The following DLC1 variants were observed in gnomAD, a reference collection of about 807,000 sequenced individuals.
The protein encoded by DLC1 is DLC1 Rho GTPase activating protein, also known as rho GTPase-activating protein 7.
Under a neutral mutation model 140.3 loss-of-function variants are expected in DLC1, and 54 were observed. The ratio of observed to expected loss-of-function variants is 0.38; its 90% CI spans 0.31 to 0.48. The LOEUF (loss-of-function observed/expected upper bound fraction) is 0.48. Ranked by LOEUF, DLC1 falls within the 20% of genes least tolerant of loss-of-function variation. The pLI is 0.96. For synonymous variants in DLC1, 986 were observed against 728.1 expected, an observed-to-expected ratio of 1.35 and a Z score of -5.70; for missense variants, 2,536 against 1,907.0, an observed-to-expected ratio of 1.33 and a Z score of -6.14.
chr8:13,469,101 G>A (rs1800089133), intron 2 of DLC1, among the ~76,000 whole-genome samples: 1 of 152,142 alleles, frequency 6.6e-6, no homozygotes, highest in Admixed American at 6.5e-5. Flanking sequence ...TTACAGGCGT[G>A]AGCCACCGCG....
chr8:13,383,093 A>G (rs1251593089), intron 4 of DLC1, among the ~76,000 whole-genome samples: 2 of 152,208 alleles, frequency 1.3e-5, no homozygotes, highest in Admixed American at 1.3e-4. Flanking sequence ...AAGATGAGAA[A>G]TCATCTCACT....
intron 5 of DLC1, among the ~76,000 whole-genome samples, chr8:13,282,088 G>A (rs1453916691): frequency 2.0e-5 from 3 of 152,110 alleles, no homozygotes; most frequent in African/African-American, 7.2e-5. Flanking sequence ...TGTTAGAGTG[G>A]ACAGAAAAGT....
At chr8:13,589,973 C>T (rs988080292) in intron 1 of DLC1, among the ~76,000 whole-genome samples, 1 of 151,262 alleles carries the variant, frequency 6.6e-6, no homozygotes. Context: ...CTTAGTATGT[C>T]TTTGTTATTT....
intron 7 of DLC1, among the ~76,000 whole-genome samples, chr8:13,109,758 G>A (rs920710462): frequency 2.6e-5 from 4 of 151,562 alleles, no homozygotes; most frequent in Admixed American, 6.6e-5. Flanking sequence ...GATGGTGGGC[G>A]CCTGTAATCC....
At chr8:13,559,360 G>T (rs923882451) in intron 1 of DLC1, 2 of 152,180 alleles carry the variant, frequency 1.3e-5, no homozygotes, top group African/African-American at 4.8e-5. Flanking sequence ...ATTCTTCAGT[G>T]ACATAGTTTG....
chr8:13,555,327 TG>T (rs1585269954), intron 1 of DLC1, among the ~76,000 whole-genome samples: 1 of 152,074 alleles, frequency 6.6e-6, no homozygotes, highest in Non-Finnish European at 1.5e-5. Flanking sequence ...CTTTCTTGTA[TG>T]TTTTTTTTTT....
chr8:13,423,419 G>A (rs1838407532), intron 2 of DLC1, among the ~76,000 whole-genome samples: 1 of 152,128 alleles, frequency 6.6e-6, no homozygotes, highest in Admixed American at 6.6e-5. Context: ...TGGAGAAGTA[G>A]ACTTGTTTTA....
At position 13,456,708 on chromosome 8, in the gene DLC1, C is replaced by T. The variant is rs35425414; in HGVS notation, c.1023+42341G>A. Among the ~76,000 whole-genome samples, 621 of 152,328 alleles carry T rather than the reference C, an allele frequency of 4.1e-3. 2 individuals carry two copies. Among genetic ancestry groups the T allele is most frequent in the Non-Finnish European group, 7.3e-3 (500 of 68,036 alleles). ...TCCTGACTTCAAATGATCCACCTGC[C>T]TCAGCTTCCCAAAGTGCTGGGATTA... On this transcript the variant is annotated intron_variant, in intron 2 of 17. Coordinates refer to ENST00000276297, the MANE Select transcript of DLC1 (RefSeq NM_182643.3).
At position 13,348,408 on chromosome 8, in the gene DLC1, G is replaced by A. The variant is rs886395235; in HGVS notation, c.1315-43106C>T. On this transcript the variant is annotated intron_variant, in intron 4 of 17. Coordinates refer to ENST00000276297, the MANE Select transcript of DLC1 (RefSeq NM_182643.3). ...TAAATATTATTCTTTAGAGGATAGGGTCCTACTGAAATTTAAACATGTGAC... is the reference window on the plus strand; with the variant it reads ...TAAATATTATTCTTTAGAGGATAGGATCCTACTGAAATTTAAACATGTGAC... 2.6e-5 allele frequency among the ~76,000 whole-genome samples: 4 copies of A among 152,292 alleles called. No individual in the cohort carries two copies. In the South Asian group the frequency reaches 8.3e-4, roughly 32 times the overall value.
At chr8:13,477,148 C>G (rs888005631) in intron 2 of DLC1, among the ~76,000 whole-genome samples, 3 of 152,166 alleles carry the variant, frequency 2.0e-5, no homozygotes, top group African/African-American at 7.2e-5. Context: ...CACATGCTCT[C>G]TGCCTTCAAA....
At chr8:13,372,338 T>A (rs938763381) in intron 4 of DLC1, among the ~76,000 whole-genome samples, 18 of 152,266 alleles carry the variant, frequency 1.2e-4, no homozygotes, top group African/African-American at 3.8e-4. Flanking sequence ...ATAGAGAGAA[T>A]TGCAATCAAT....
chr8:13,475,054 C>T (rs561895085), intron 2 of DLC1, among the ~76,000 whole-genome samples: 11 of 152,048 alleles, frequency 7.2e-5, no homozygotes, highest in Admixed American at 6.5e-4. Flanking sequence ...CTCAAGTGAT[C>T]CATCCACTTC....
intron 1 of DLC1, among the ~76,000 whole-genome samples, chr8:13,551,817 G>T (rs974912775): frequency 5.5e-5 from 8 of 145,548 alleles, no homozygotes; most frequent in African/African-American, 2.0e-4. Flanking sequence ...ATCTAGACAG[G>T]TATATATGTG....
intron 1 of DLC1, among the ~76,000 whole-genome samples, chr8:13,596,723 C>T (rs142843526): frequency 3.6e-4 from 55 of 152,034 alleles, no homozygotes; most frequent in African/African-American, 3.1e-4. Context: ...CCATCTAAAA[C>T]CCTGGCATAT....
intron 4 of DLC1, among the ~76,000 whole-genome samples, chr8:13,392,091 G>A (rs1018097524): frequency 2.6e-5 from 4 of 152,068 alleles, no homozygotes; most frequent in Admixed American, 1.3e-4. Context: ...TTCCATTTCA[G>A]TGTACCTGTT....
chr8:13,189,850 C>G (rs1585875101), intron 5 of DLC1, among the ~76,000 whole-genome samples: 1 of 151,300 alleles, frequency 6.6e-6, no homozygotes, highest in Admixed American at 6.6e-5. Flanking sequence ...CCATTGCACT[C>G]CAGCTTGGGC....
chr8:13,583,214 C>G (rs915648549), intron 1 of DLC1, among the ~76,000 whole-genome samples: 9 of 151,990 alleles, frequency 5.9e-5, no homozygotes, highest in Admixed American at 6.6e-5. Context: ...AGCATTTTAC[C>G]CAAAGGGGAA....
chr8:13,398,206 G>A (rs533381700), intron 3 of DLC1, among the ~76,000 whole-genome samples: 1 of 152,128 alleles, frequency 6.6e-6, no homozygotes, highest in Admixed American at 6.5e-5. Context: ...ACAAAGAGGA[G>A]ATTAAAGTTT....
chr8:13,317,014 A>G (rs752063728), intron 4 of DLC1, among the ~76,000 whole-genome samples: 59 of 152,128 alleles, frequency 3.9e-4, no homozygotes, highest in Middle Eastern at 6.8e-3. Context: ...GAGTTATGTG[A>G]GACATGGACT....
Sources: gnomAD v4.1 joint callset for allele counts (sites outside exome capture counted in the v4.1 genomes callset) on GRCh38, gnomAD v4.1.1 for gene constraint, MANE v1.5 for transcripts, NCBI Gene and HGNC (gene_info 2026-07-23, HGNC 2026-07-21) for gene names.